SLC14A2: variants seen among roughly 807,000 people sequenced by gnomAD.
SLC14A2 encodes the protein solute carrier family 14 member 2.
In SLC14A2, 91 loss-of-function variants were observed where a neutral mutation model predicts 104.6. That is an observed-to-expected ratio of 0.87 (90% CI 0.73 to 1.04). The LOEUF (loss-of-function observed/expected upper bound fraction) is 1.04, where lower values mean the gene tolerates loss of function less well. Among genes scored for constraint, SLC14A2 ranks in the 50% least tolerant of loss-of-function variants. SLC14A2 has a pLI of 0.00. For missense variants in SLC14A2, 1,189 were observed against 1,156.0 expected (o/e 1.03, Z -0.41); for synonymous variants, 476 against 466.4 (o/e 1.02, Z -0.27).
At chr18:45,543,481 T>C (rs2043921069) in intron 2 of SLC14A2, among the ~76,000 whole-genome samples, 1 of 152,188 alleles carries the variant, frequency 6.6e-6, no homozygotes, top group Non-Finnish European at 1.5e-5. Flanking sequence ...TGTTCATCCA[T>C]AGATGGCCTA....
intron 1 of SLC14A2, among the ~76,000 whole-genome samples, chr18:45,237,806 G>A (rs190498492): frequency 6.6e-6 from 1 of 152,292 alleles, no homozygotes; most frequent in East Asian, 1.9e-4. Context: ...GCACCTTAAG[G>A]TTTCAGCAGA....
intron 1 of SLC14A2, among the ~76,000 whole-genome samples, chr18:45,240,247 C>T (rs1219206781): frequency 6.6e-6 from 1 of 151,722 alleles, no homozygotes; most frequent in Non-Finnish European, 1.5e-5. Context: ...CAGGCATGTG[C>T]CACCACACCC....
intron 1 of SLC14A2, among the ~76,000 whole-genome samples, chr18:45,314,696 A>G (rs2085111773): frequency 6.6e-6 from 1 of 152,194 alleles, no homozygotes. Flanking sequence ...TTTTTGATGT[A>G]CTAGGTGAGG....
At chr18:45,307,090 G>A (rs1168984006) in intron 1 of SLC14A2, among the ~76,000 whole-genome samples, 2 of 152,060 alleles carry the variant, frequency 1.3e-5, no homozygotes, top group African/African-American at 2.4e-5. Context: ...CTTCTTGAGG[G>A]CATCAGTCTT....
chr18:45,280,162 A>G (rs1482813915), intron 1 of SLC14A2, among the ~76,000 whole-genome samples: 4 of 152,180 alleles, frequency 2.6e-5, no homozygotes, highest in Non-Finnish European at 5.9e-5. Flanking sequence ...AGAGCACACA[A>G]CTAATGAGAG....
chr18:45,226,929 C>T (rs1459814175), intron 1 of SLC14A2, among the ~76,000 whole-genome samples: 1 of 152,140 alleles, frequency 6.6e-6, no homozygotes, highest in African/African-American at 2.4e-5. Flanking sequence ...GCAGCTGGCA[C>T]ACACTCAACA....
chr18:45,376,763 C>T (rs905887178), intron 1 of SLC14A2, among the ~76,000 whole-genome samples: 1 of 152,122 alleles, frequency 6.6e-6, no homozygotes, highest in African/African-American at 2.4e-5. Flanking sequence ...TGTAAGCCAA[C>T]TATCTGGGCA....
At chr18:45,376,259 T>A (rs1414275082) in intron 1 of SLC14A2, among the ~76,000 whole-genome samples, 1 of 152,196 alleles carries the variant, frequency 6.6e-6, no homozygotes, top group African/African-American at 2.4e-5. Flanking sequence ...GCTCTTTGTA[T>A]CTCTCTTGCA....
At chr18:45,670,856 C>A (rs1053632088) in intron 16 of SLC14A2, among the ~76,000 whole-genome samples, 23 of 152,092 alleles carry the variant, frequency 1.5e-4, no homozygotes, top group Admixed American at 5.2e-4. Context: ...AGAGATCGCT[C>A]TTGTCATTGT....
At chr18:45,411,535 C>T (rs2086215903) in intron 1 of SLC14A2, among the ~76,000 whole-genome samples, 1 of 152,316 alleles carries the variant, frequency 6.6e-6, no homozygotes, top group African/African-American at 2.4e-5. Context: ...CCTCAAGCCA[C>T]CCAAAGTGCA....
chr18:45,371,276 C>T (rs373042751), intron 1 of SLC14A2, among the ~76,000 whole-genome samples: 1 of 152,176 alleles, frequency 6.6e-6, no homozygotes, highest in Admixed American at 6.5e-5. Flanking sequence ...GTTCTCCAAA[C>T]CTTGTTAAAC....
At chr18:45,446,114 T>C (rs16978373) in intron 1 of SLC14A2, among the ~76,000 whole-genome samples, 5,192 of 152,268 alleles carry the variant, frequency 0.034, 294 homozygotes, top group African/African-American at 0.12. Flanking sequence ...TAATATGAGA[T>C]AATGTAAGTG....
At chr18:45,591,121 C>A (rs1599038760) in intron 2 of SLC14A2, among the ~76,000 whole-genome samples, 1 of 152,172 alleles carries the variant, frequency 6.6e-6, no homozygotes, top group Non-Finnish European at 1.5e-5. Flanking sequence ...TTCTCACCCC[C>A]ATTGGAGGTG....
At chr18:45,370,165 C>T (rs910810584) in intron 1 of SLC14A2, among the ~76,000 whole-genome samples, 2 of 152,154 alleles carry the variant, frequency 1.3e-5, no homozygotes, top group South Asian at 2.1e-4. Flanking sequence ...GAAACAGAAA[C>T]AGGATTACTC....
intron 2 of SLC14A2, among the ~76,000 whole-genome samples, chr18:45,535,090 A>T (rs963644861): frequency 1.3e-5 from 2 of 152,156 alleles, no homozygotes; most frequent in Non-Finnish European, 1.5e-5. Flanking sequence ...GAGGCAACCA[A>T]AAAGCTCTTT....
Position 45,624,774 on chromosome 18 carries a change from C to T in SLC14A2, c.110C>T (p.Thr37Ile), listed in dbSNP as rs34461862. Reference sequence around the variant, plus strand: ...AGCTGGCCCTCGACATCCCCGGATACTCACCCAGCTCTGCCCCTCCTGGAA... The same window carrying T: ...AGCTGGCCCTCGACATCCCCGGATATTCACCCAGCTCTGCCCCTCCTGGAA... The part of the protein sequence containing the change: ...SPSWPSTSPD[T>I]HPALPLLEMP... The change falls in exon 2 of 20, where the codon ACT (threonine) becomes ATT (isoleucine). Residue 37 changes from threonine to isoleucine, a missense_variant. Transcript: ENST00000255226. 0.036 allele frequency: 57,749 copies of T among 1,612,788 alleles called. 1,255 individuals carry two copies. Among genetic ancestry groups the T allele is most frequent in the Non-Finnish European group, 0.041 (48,710 of 1,179,438 alleles).
Position 45,236,335 on chromosome 18 carries a change from A to G in SLC14A2, c.-125+23144A>G, listed in dbSNP as rs190336556. 6.7e-3 allele frequency among the ~76,000 whole-genome samples: 142 copies of G among 21,326 alleles called. 16 individuals carry two copies. The highest frequency in any genetic ancestry group is 0.017 in the South Asian group (11 of 658). 14.0% of individuals were successfully genotyped at this position (21,326 alleles called of 152,430 possible). On this transcript the variant is annotated intron_variant, in intron 1 of 20. Transcript: ENST00000586448. ...TGTGTATATATACATGTATGTGTGT[A>G]TATATGTGTATATATACATGTATGT...
At chr18:45,668,071 C>T in intron 14 of SLC14A2, 49 bp downstream of exon 14, 1 of 1,530,348 alleles carries the variant, frequency 6.5e-7, no homozygotes, top group Non-Finnish European at 9.0e-7. Flanking sequence ...GAAGTCACTC[C>T]CCATGGGGAC....
At chr18:45,464,155 G>A (rs2087096890) in intron 1 of SLC14A2, among the ~76,000 whole-genome samples, 1 of 152,194 alleles carries the variant, frequency 6.6e-6, no homozygotes, top group African/African-American at 2.4e-5. Flanking sequence ...CAGAAGTAGT[G>A]GGGTGAAGAG....
Sources: allele counts gnomAD v4.1 joint callset (sites outside exome capture counted in the v4.1 genomes callset), GRCh38; gene constraint gnomAD v4.1.1; transcripts MANE v1.5; gene names NCBI Gene and HGNC (gene_info 2026-07-23, HGNC 2026-07-21).